The following PGBD2 variants were observed in gnomAD, a reference collection of about 807,000 sequenced individuals.
The protein encoded by PGBD2 is piggyBac transposable element derived 2.
PGBD2 carries 6 observed loss-of-function variants against 8.1 expected under a neutral mutation model. That is an observed-to-expected ratio of 0.74 (90% CI 0.40 to 1.46). PGBD2 has a LOEUF of 1.46. Among genes scored for constraint, PGBD2 ranks in the 40% most tolerant of loss-of-function variants. The pLI is 0.02. For synonymous variants in PGBD2, 318 were observed against 272.2 expected (o/e 1.17, Z -1.66); for missense variants, 802 against 739.0 (o/e 1.09, Z -0.99).
the PGBD2 span, among the ~76,000 whole-genome samples, chr1:248,928,693 TA>T: frequency 6.6e-6 from 1 of 152,164 alleles, no homozygotes; most frequent in Non-Finnish European, 1.5e-5. Context: ...ACAGAGTGGG[TA>T]ATAAGCAGAT....
the PGBD2 span, among the ~76,000 whole-genome samples, chr1:248,928,944 C>G: frequency 1.3e-5 from 2 of 152,314 alleles, no homozygotes; most frequent in South Asian, 4.1e-4. Context: ...CTTTCTGTCT[C>G]TGGAATGAAA....
the PGBD2 span, among the ~76,000 whole-genome samples, chr1:248,889,936 T>C: frequency 2.7e-4 from 41 of 151,014 alleles, no homozygotes; most frequent in African/African-American, 9.7e-4. Context: ...TTCTTTTTTT[T>C]TTTTTTTTGA....
the PGBD2 span, among the ~76,000 whole-genome samples, chr1:248,873,972 T>C: frequency 3.0e-4 from 45 of 152,192 alleles, no homozygotes; most frequent in African/African-American, 1.1e-3. Context: ...ATTCGTTTTA[T>C]TAGCATTTTA....
At chr1:248,909,043 A>T (rs557045406) in intron 1 of PGBD2, among the ~76,000 whole-genome samples, 2 of 152,220 alleles carry the variant, frequency 1.3e-5, no homozygotes, top group Non-Finnish European at 2.9e-5. Context: ...CACCCAGTAG[A>T]TACTTCAGAT....
At chr1:248,914,300 T>C in intron 2 of PGBD2, 1 of 681,612 alleles carries the variant, frequency 1.5e-6, no homozygotes, top group Non-Finnish European at 1.8e-6. Flanking sequence ...CTTGCAGCCT[T>C]GGCTCTGCCC....
At chr1:248,914,659 C>A in intron 2 of PGBD2, 1 of 1,200,726 alleles carries the variant, frequency 8.3e-7, no homozygotes, top group South Asian at 1.3e-5. Flanking sequence ...CACAGGGAAG[C>A]TGCAGGGACC....
At chr1:248,899,169 C>G in the PGBD2 span, among the ~76,000 whole-genome samples, 7 of 152,132 alleles carry the variant, frequency 4.6e-5, no homozygotes, top group East Asian at 1.3e-3. Context: ...ACTTTAATAC[C>G]CCACTGACAA....
At chr1:248,926,108 C>T in the PGBD2 span, among the ~76,000 whole-genome samples, 1 of 152,018 alleles carries the variant, frequency 6.6e-6, no homozygotes, top group African/African-American at 2.4e-5. Flanking sequence ...CCTCGAGGTG[C>T]TGCTGTTCTC....
chr1:248,912,045 C>G (rs1273398403), intron 1 of PGBD2, among the ~76,000 whole-genome samples: 1 of 152,050 alleles, frequency 6.6e-6, no homozygotes, highest in East Asian at 1.9e-4. Context: ...ATCAGCTGTC[C>G]AGGTGGCTTG....
chr1:248,917,029 T>G lies in PGBD2; in HGVS notation c.445T>G (p.Phe149Val). 1.2e-6 allele frequency: 2 copies of G among 1,613,818 alleles called. No homozygotes were observed. The highest frequency in any genetic ancestry group is 2.2e-5 in the South Asian group (2 of 91,008). Reference sequence around the variant, plus strand: ...TCCCGTGGGCCTTTTTGAGTTGTTTTTTGATGAAGGAACAATTAATTTCAT... The same window carrying G: ...TCCCGTGGGCCTTTTTGAGTTGTTTGTTGATGAAGGAACAATTAATTTCAT... ...LSPVGLFELF[F>V]DEGTINFIVN... The change falls in exon 3 of 3, where the codon TTT becomes GTT. Residue 149 changes from phenylalanine (F) to valine (V), a missense_variant. Coordinates refer to ENST00000329291, the MANE Select transcript of PGBD2 (RefSeq NM_170725.3).
At position 248,911,560 on chromosome 1, in the gene PGBD2, C is replaced by A. The variant is rs1279877243; in HGVS notation, c.-47-2256C>A. ...CAACCATCCGATTTCTCAATCTTTTCCCCACCTTTCCCCCTTTTCTATTCC... is the reference window on the plus strand; with the variant it reads ...CAACCATCCGATTTCTCAATCTTTTACCCACCTTTCCCCCTTTTCTATTCC... On this transcript the variant is annotated intron_variant, in intron 1 of 2. Coordinates refer to ENST00000329291, the MANE Select transcript of PGBD2 (RefSeq NM_170725.3). 2.1e-5 allele frequency among the ~76,000 whole-genome samples: 3 copies of A among 145,424 alleles called. No homozygotes were observed. In the East Asian group the frequency reaches 5.8e-4, roughly 28 times the overall value.
chr1:248,916,550 G>A, intron 2 of PGBD2, 52 bp from the exon 3 acceptor site: 3 of 1,519,834 alleles, frequency 2.0e-6, no homozygotes, highest in Admixed American at 1.7e-5. Flanking sequence ...TTCTGCTGAA[G>A]CATTGGCTTT....
chr1:248,881,348 C>T, the PGBD2 span, among the ~76,000 whole-genome samples: 3,038 of 152,204 alleles, frequency 0.02, 99 homozygotes, highest in African/African-American at 0.068. Flanking sequence ...ATGCACATCA[C>T]GGTCCCAAGT....
chr1:248,917,482 A>G lies in PGBD2; in HGVS notation c.898A>G (p.Thr300Ala), dbSNP rs749848651. ...VRLGYKIWCG[T>A]TSRGYLVWFE... ...ACTTGGCTACAAGATTTGGTGTGGGACAACCAGCAGAGGCTACTTGGTGTG... is the reference window on the plus strand; with the variant it reads ...ACTTGGCTACAAGATTTGGTGTGGGGCAACCAGCAGAGGCTACTTGGTGTG... Residue 300 changes from threonine (T) to alanine (A), a missense_variant, in exon 3 of 3, where the codon ACA becomes GCA. Coordinates refer to ENST00000329291, the MANE Select transcript of PGBD2 (RefSeq NM_170725.3). 3.8e-5 allele frequency: 61 copies of G among 1,614,010 alleles called. No individual in the cohort carries two copies. The highest frequency in any genetic ancestry group is 1.6e-4 in the Middle Eastern group (1 of 6,084).
chr1:248,892,273 C>CCCTTCCTTCCTT, the PGBD2 span, among the ~76,000 whole-genome samples: 624 of 127,354 alleles, frequency 4.9e-3, 13 homozygotes, highest in African/African-American at 0.019. Context: ...CTCCCTCCCT[C>CCCTTCCTTCCTT]CCTTCCTTCC....
chr1:248,892,503 C>T, the PGBD2 span, among the ~76,000 whole-genome samples: 1 of 150,922 alleles, frequency 6.6e-6, no homozygotes, highest in African/African-American at 2.4e-5. Flanking sequence ...GGTTTCTGGT[C>T]TCCTAGTCAT....
intron 2 of PGBD2, among the ~76,000 whole-genome samples, chr1:248,914,082 T>C (rs1021746710): frequency 6.6e-6 from 1 of 152,200 alleles, no homozygotes; most frequent in Non-Finnish European, 1.5e-5. Flanking sequence ...GGTGTGGTTA[T>C]GTAGCACTAA....
At chr1:248,874,909 GATAGAT>G in the PGBD2 span, among the ~76,000 whole-genome samples, 3 of 69,248 alleles carry the variant, frequency 4.3e-5, no homozygotes, top group East Asian at 1.0e-3. Context: ...GATAGAGATA[GATAGAT>G]AGATAGATAG....
chr1:248,911,765 C>G (rs896306564), intron 1 of PGBD2, among the ~76,000 whole-genome samples: 3 of 151,628 alleles, frequency 2.0e-5, no homozygotes, highest in Admixed American at 6.5e-5. Context: ...CCCCACCTCC[C>G]TCCCGGACGG....
Sources: allele counts gnomAD v4.1 joint callset (sites outside exome capture counted in the v4.1 genomes callset), GRCh38; gene constraint gnomAD v4.1.1; transcripts MANE v1.5; gene names NCBI Gene and HGNC (gene_info 2026-07-23, HGNC 2026-07-21).